The following KCNH3 variants were observed in gnomAD, a reference collection of about 807,000 sequenced individuals.
The protein encoded by KCNH3 is voltage-gated inwardly rectifying potassium channel KCNH3.
KCNH3 carries 36 observed loss-of-function variants against 95.6 expected under a neutral mutation model. The ratio of observed to expected loss-of-function variants is 0.38; its 90% CI spans 0.29 to 0.50. The LOEUF (loss-of-function observed/expected upper bound fraction) is 0.50, where lower values mean the gene tolerates loss of function less well. Among genes scored for constraint, KCNH3 ranks in the 20% least tolerant of loss-of-function variants. The pLI is 0.95. For synonymous variants in KCNH3, 620 were observed against 646.3 expected (o/e 0.96, Z 0.62); for missense variants, 1,030 against 1,484.1 (o/e 0.69, Z 5.03).
At position 49,542,804 on chromosome 12, in the gene KCNH3, C is replaced by CAGA; in HGVS notation, c.547_549dup (p.Lys183dup). The CAGA allele has an allele frequency of 6.2e-7, 1 of 1,603,752 alleles. No homozygotes were observed. Among genetic ancestry groups the CAGA allele is most frequent in the Non-Finnish European group, 8.5e-7 (1 of 1,176,336 alleles). ...GCTCTACCACCTGTCCGGGCACCTG[C>CAGA]AGAAGCAGCCCAAGGGCAAGCACAA... On this transcript the variant is annotated inframe_insertion, in exon 4 of 15. Transcript: ENST00000257981.
intron 11 of KCNH3, 102 bp downstream of exon 11, chr12:49,554,656 C>A: frequency 9.5e-7 from 1 of 1,055,264 alleles, no homozygotes; most frequent in Non-Finnish European, 1.4e-6. Context: ...TGAAGTGTGG[C>A]CTGGTATGAA....
At position 49,545,209 on chromosome 12, in the gene KCNH3, C is replaced by T. The variant is rs543152233; in HGVS notation, c.1189+827C>T. On this transcript the variant is annotated intron_variant, in intron 7 of 14. Coordinates refer to ENST00000257981, the MANE Select transcript of KCNH3 (RefSeq NM_012284.3). The stretch of plus-strand genomic sequence containing the variant: ...TCTCCCCCTTCACCTTGCTTTCCCT[C>T]GGCTATTCCACTGACACCGAGTGAG... Among the ~76,000 whole-genome samples, 31 of 152,182 alleles carry T rather than the reference C, an allele frequency of 2.0e-4. No homozygotes were observed. The South Asian group carries it at 6.2e-3, about 31-fold the overall frequency.
chr12:49,555,572 C>A, intron 11 of KCNH3, 48 bp from the exon 12 acceptor site: 1 of 1,280,636 alleles, frequency 7.8e-7, no homozygotes, highest in African/African-American at 1.5e-5. Context: ...GTGAGTGGGA[C>A]ACAATAGTGA....
chr12:49,550,351 G>A, intron 10 of KCNH3, 22 bp downstream of exon 10: 1 of 1,584,910 alleles, frequency 6.3e-7, no homozygotes, highest in Non-Finnish European at 8.6e-7. Context: ...TGGGAGAGAG[G>A]GCGTGGGGGC....
chr12:49,548,535 G>C (rs1938146705), intron 7 of KCNH3, among the ~76,000 whole-genome samples: 1 of 152,106 alleles, frequency 6.6e-6, no homozygotes, highest in South Asian at 2.1e-4. Context: ...GGCGGAGGTG[G>C]CCTCACCATC....
In KCNH3 at chr12:49,543,338, T is replaced by C. The variant is rs374951678; in HGVS notation, c.643T>C (p.Phe215Leu). 1 of 1,613,828 alleles carries C rather than the reference T, an allele frequency of 6.2e-7. No individual in the cohort carries two copies. The highest frequency in any genetic ancestry group is 8.5e-7 in the Non-Finnish European group (1 of 1,180,026). ...YKVAAIRKSP[F>L]ILLHCGALRA... ...AGTAGCCGCCATCCGGAAGTCGCCC[T>C]TCATCCTGTTGCACTGTGGGGCACT... Residue 215 changes from phenylalanine (F) to leucine (L), a missense_variant, in exon 5 of 15, where the codon TTC (phenylalanine) becomes CTC (leucine). Around this residue, in one of 9 missense-constraint regions of KCNH3, gnomAD observed 153 missense variants for 288.5 expected, o/e 0.53. Coordinates refer to ENST00000257981, the MANE Select transcript of KCNH3 (RefSeq NM_012284.3).
chr12:49,540,241 C>T (rs566315546), intron 1 of KCNH3, among the ~76,000 whole-genome samples: 1 of 152,200 alleles, frequency 6.6e-6, no homozygotes, highest in Non-Finnish European at 1.5e-5. Flanking sequence ...GCGCTCTCCC[C>T]ACTCCGGGCT....
chr12:49,556,204 C>A, intron 12 of KCNH3, 166 bp from the exon 13 acceptor site: 1 of 633,626 alleles, frequency 1.6e-6, no homozygotes, highest in Non-Finnish European at 2.8e-6. Context: ...CCCAGCTAAA[C>A]TGTAAGCTCC....
At chr12:49,555,303 T>A (rs1401866776) in intron 11 of KCNH3, among the ~76,000 whole-genome samples, 315 of 127,396 alleles carry the variant, frequency 2.5e-3, no homozygotes, top group African/African-American at 7.8e-3. Flanking sequence ...AAAAAAAAAA[T>A]GAGCCGGGTG....
rs922381556 is a variant in KCNH3, at chr12:49,541,893, A to T, written c.445+129A>T. 8 of 966,704 alleles carry T rather than the reference A, an allele frequency of 8.3e-6. No individual in the cohort carries two copies. The Admixed American group carries it at 1.9e-4, about 22-fold the overall frequency. The allele number at this position is 966,704 out of a possible 1,614,324, so 59.9% of individuals were successfully genotyped here. ...ATTTCACTCCCACTCAGGCTGCCTGAGAGGCCTGTGCTGCTCTCATCTCCA... is the reference window on the plus strand; with the variant it reads ...ATTTCACTCCCACTCAGGCTGCCTGTGAGGCCTGTGCTGCTCTCATCTCCA... On this transcript the variant is annotated intron_variant, in intron 3 of 14. Coordinates refer to ENST00000257981, the MANE Select transcript of KCNH3 (RefSeq NM_012284.3).
Position 49,550,303 on chromosome 12 carries a change from A to G in KCNH3, c.1892A>G (p.Lys631Arg). 6.2e-7 allele frequency: 1 copy of G among 1,607,492 alleles called. No individual in the cohort carries two copies. Among genetic ancestry groups the G allele is most frequent in the Non-Finnish European group, 8.5e-7 (1 of 1,178,432 alleles). Reference sequence around the variant, plus strand: ...TGCTCTGGCTCCATGGAGGTGCTCAAGGGTGGCACCGTGCTCGCCATCCTA... The same window carrying G: ...TGCTCTGGCTCCATGGAGGTGCTCAGGGGTGGCACCGTGCTCGCCATCCTA... The part of the protein sequence containing the change: ...FVCSGSMEVL[K>R]GGTVLAILGK... The change falls in exon 10 of 15, where the codon AAG becomes AGG. Residue 631 changes from lysine (K) to arginine (R), a missense_variant. Around this residue, in one of 9 missense-constraint regions of KCNH3, gnomAD observed 160 missense variants for 316.2 expected, o/e 0.51. Coordinates refer to ENST00000257981, the MANE Select transcript of KCNH3 (RefSeq NM_012284.3).
In KCNH3 at chr12:49,554,524, C is replaced by T; in HGVS notation, c.2106C>T (p.Tyr702=). Residue 702 remains tyrosine (Y), a synonymous_variant, in exon 11 of 15, where the codon TAC becomes TAT. Coordinates refer to ENST00000257981, the MANE Select transcript of KCNH3 (RefSeq NM_012284.3). ...GTGGCCTCCGAGGGGAGCTCAGCTA[C>T]AACCTGGGTGCTGGGGGAGGCTCTG... is the stretch of plus-strand genomic sequence containing the variant. ...FSRGLRGELS[Y]NLGAGGGSAE... 6.2e-7 allele frequency: 1 copy of T among 1,613,278 alleles called. No homozygotes were observed. The highest frequency in any genetic ancestry group is 8.5e-7 in the Non-Finnish European group (1 of 1,179,620).
At chr12:49,540,054 A>G (rs1228802480) in intron 1 of KCNH3, among the ~76,000 whole-genome samples, 1 of 152,022 alleles carries the variant, frequency 6.6e-6, no homozygotes, top group Non-Finnish European at 1.5e-5. Flanking sequence ...AGGACTGGGG[A>G]AGTTTGGAGA....
chr12:49,555,816 G>C lies in KCNH3; in HGVS notation c.2333G>C (p.Arg778Pro). ...CCACGTCGAACAGCACCCCGGCCTC[G>C]TCTAGGTGGCAGAGGGAGGCCAGGC... ...LSPRRTAPRP[R>P]LGGRGRPGRA... Residue 778 changes from arginine (R) to proline (P), a missense_variant, in exon 12 of 15, where the codon CGT becomes CCT. Coordinates refer to ENST00000257981, the MANE Select transcript of KCNH3 (RefSeq NM_012284.3). 5.6e-6 allele frequency: 9 copies of C among 1,613,422 alleles called. No homozygotes were observed. The highest frequency in any genetic ancestry group is 7.6e-6 in the Non-Finnish European group (9 of 1,179,864).
intron 3 of KCNH3, among the ~76,000 whole-genome samples, chr12:49,542,397 T>G (rs1003224837): frequency 6.6e-6 from 1 of 152,224 alleles, no homozygotes. Context: ...TTCTCCACCC[T>G]GGCCCTGTGA....
At chr12:49,550,040 C>A in intron 9 of KCNH3, 40 bp from the exon 10 acceptor site, 1 of 1,523,096 alleles carries the variant, frequency 6.6e-7, no homozygotes, top group Non-Finnish European at 8.9e-7. Flanking sequence ...CCTCTTCTGC[C>A]ACTCCCAACC....
At chr12:49,543,611 C>T in intron 5 of KCNH3, 93 bp downstream of exon 5, 4 of 1,468,158 alleles carry the variant, frequency 2.7e-6, no homozygotes, top group South Asian at 1.3e-5. Flanking sequence ...TGCTACAGTG[C>T]CCCCCTCGCT....
At chr12:49,544,141 T>TCCCCCCCCC in intron 6 of KCNH3, 34 bp from the exon 7 acceptor site, 1 of 1,413,420 alleles carries the variant, frequency 7.1e-7, no homozygotes, top group South Asian at 1.2e-5. Context: ...CCCGCTGACC[T>TCCCCCCCCC]CCCTCCCTCC....
intron 10 of KCNH3, among the ~76,000 whole-genome samples, chr12:49,554,028 T>C (rs530503049): frequency 6.6e-6 from 1 of 152,352 alleles, no homozygotes; most frequent in East Asian, 1.9e-4. Flanking sequence ...TGTGAAACAC[T>C]AGAACTGATG....
Sources: allele counts gnomAD v4.1 joint callset (sites outside exome capture counted in the v4.1 genomes callset), GRCh38; gene constraint gnomAD v4.1.1; regional missense constraint gnomAD v4.1.1; transcripts MANE v1.5; gene names NCBI Gene and HGNC (gene_info 2026-07-23, HGNC 2026-07-21).